Variants in KLHL28 observed in about 807,000 individuals in gnomAD.
KLHL28 encodes the protein kelch like family member 28.
A neutral mutation model predicts 48.3 loss-of-function variants in KLHL28; 22 were observed. The ratio of observed to expected loss-of-function variants is 0.46; its 90% CI spans 0.33 to 0.65. The LOEUF is 0.65. Ranked by LOEUF, KLHL28 falls within the 30% of genes least tolerant of loss-of-function variation. The pLI is 0.03. For missense variants in KLHL28, 527 were observed against 704.3 expected (o/e 0.75, Z 2.85); for synonymous variants, 243 against 242.4 (o/e 1.00, Z -0.02).
At chr14:44,932,298 C>A (rs187413194) in intron 3 of KLHL28, among the ~76,000 whole-genome samples, 9 of 151,292 alleles carry the variant, frequency 5.9e-5, no homozygotes, top group Non-Finnish European at 1.2e-4. Context: ...CAGGAGAATT[C>A]ATGTGGCTTA....
At chr14:44,949,418 AT>A (rs1365523600) in intron 1 of KLHL28, among the ~76,000 whole-genome samples, 3 of 152,106 alleles carry the variant, frequency 2.0e-5, no homozygotes, top group Admixed American at 1.3e-4. Flanking sequence ...TTAGTAAATA[AT>A]TTTATAATGC....
intron 2 of KLHL28, 38 bp from the exon 3 acceptor site, chr14:44,934,596 C>G (rs375128007): frequency 4.9e-6 from 7 of 1,428,362 alleles, no homozygotes; most frequent in East Asian, 4.7e-5. Flanking sequence ...ATTTAAAAAC[C>G]AAAGTGGCCC....
intron 2 of KLHL28, among the ~76,000 whole-genome samples, chr14:44,943,113 C>A (rs564627453): frequency 6.6e-6 from 1 of 152,166 alleles, no homozygotes; most frequent in East Asian, 1.9e-4. Flanking sequence ...AAGATATGAA[C>A]AGGTCTTATT....
At chr14:44,932,522 G>T (rs1883635219) in intron 3 of KLHL28, among the ~76,000 whole-genome samples, 1 of 152,148 alleles carries the variant, frequency 6.6e-6, no homozygotes, top group South Asian at 2.1e-4. Flanking sequence ...GGTTTCCTCT[G>T]AAGGTGCACA....
At chr14:44,947,933 A>C (rs954640577) in intron 1 of KLHL28, among the ~76,000 whole-genome samples, 3 of 152,154 alleles carry the variant, frequency 2.0e-5, no homozygotes, top group African/African-American at 4.8e-5. Flanking sequence ...GTCTTCCAGT[A>C]GGTACTTTTT....
In KLHL28 at chr14:44,945,043, C is replaced by A; in HGVS notation, c.886G>T (p.Ala296Ser). ...CCTTCTATTTACCTATCCAAACAGG[C>A]AAAGAGTCCAGATTTCCCTCCTACT... ...CAVGGKSGLF[A>S]CLDSVEMYFP... The change falls in exon 2 of 5, where the codon GCC (alanine) becomes TCC (serine). Residue 296 changes from alanine (A) to serine (S), a missense_variant. Ala to Ser is a moderately conservative substitution (Grantham distance 99, BLOSUM62 1). Coordinates refer to ENST00000396128, the MANE Select transcript of KLHL28 (RefSeq NM_017658.5). The A allele has an allele frequency of 1.3e-6, 2 of 1,599,850 alleles. No individual in the cohort carries two copies. Among genetic ancestry groups the A allele is most frequent in the East Asian group, 2.2e-5 (1 of 44,468 alleles).
chr14:44,933,309 C>G (rs188192202), intron 3 of KLHL28, among the ~76,000 whole-genome samples: 20 of 148,420 alleles, frequency 1.3e-4, no homozygotes, highest in African/African-American at 4.5e-4. Context: ...TCTTTTCTTT[C>G]TTTCTTTTTT....
intron 1 of KLHL28, among the ~76,000 whole-genome samples, chr14:44,957,998 A>C (rs527436953): frequency 2.0e-5 from 3 of 152,016 alleles, no homozygotes; most frequent in African/African-American, 4.8e-5. Flanking sequence ...CCATGGAACA[A>C]TCATTGCCTT....
rs1883445983 is a variant in KLHL28 at position 44,928,418 on chromosome 14, T to C, written c.*610A>G. On this transcript the variant is annotated 3_prime_UTR_variant, in exon 5 of 5. Transcript: ENST00000396128. The stretch of plus-strand genomic sequence containing the variant: ...CCAAATATCATGATAATAAAAGCAA[T>C]TGTCTTAAAAATTTATTACATCCGT... The C allele has an allele frequency of 6.6e-6, 1 of 152,100 alleles. No individual in the cohort carries two copies. The highest frequency in any genetic ancestry group is 1.5e-5 in the Non-Finnish European group (1 of 68,006). The allele number at this position is 152,100 out of a possible 1,614,324, so 9.4% of individuals were successfully genotyped here.
rs778304110 is a variant in KLHL28, at chr14:44,936,478, AG to A, written c.900-1921del. Among the ~76,000 whole-genome samples, 7 of 152,264 alleles carry A rather than the reference AG, an allele frequency of 4.6e-5. No individual in the cohort carries two copies. In the East Asian group the frequency reaches 1.4e-3, roughly 29 times the overall value. Reference sequence around the variant, plus strand: ...TGGCAGATTTGGTGTTGGGAAGATGAGGTAGTTCTCTTCTGGTTGCTTCCAT... The same window carrying A: ...TGGCAGATTTGGTGTTGGGAAGATGAGTAGTTCTCTTCTGGTTGCTTCCAT... On this transcript the variant is annotated intron_variant, in intron 2 of 4. Coordinates refer to ENST00000396128, the MANE Select transcript of KLHL28 (RefSeq NM_017658.5).
chr14:44,926,443 G>A lies in KLHL28; in HGVS notation c.*2585C>T, dbSNP rs896724484. On this transcript the variant is annotated 3_prime_UTR_variant, in exon 5 of 5. Coordinates refer to ENST00000396128, the MANE Select transcript of KLHL28 (RefSeq NM_017658.5). ...ATGATTATACACTAATTTGATAGTG[G>A]AGATGATACATGAGTAAAATATTGT... 4 of 152,012 alleles carry A rather than the reference G, an allele frequency of 2.6e-5. No homozygotes were observed. The highest frequency in any genetic ancestry group is 9.7e-5 in the African/African-American group (4 of 41,384). The allele number at this position is 152,012 out of a possible 1,614,324, so 9.4% of individuals were successfully genotyped here.
At position 44,935,890 on chromosome 14, in the gene KLHL28, G is replaced by GTGTGTATATATATATATATATATATA. The variant is rs1555337906; in HGVS notation, c.900-1333_900-1332insTATATATATATATATATATATACACA. ...TATGTGTATGTATATATATATGTGT[G>GTGTGTATATATATATATATATATATA]TATATATATATATCTTTACCCTCCC... On this transcript the variant is annotated intron_variant, in intron 2 of 4. Coordinates refer to ENST00000396128, the MANE Select transcript of KLHL28 (RefSeq NM_017658.5). Among the ~76,000 whole-genome samples the GTGTGTATATATATATATATATATATA allele has an allele frequency of 5.1e-5, 3 of 59,146 alleles. No homozygotes were observed. In the South Asian group the frequency reaches 2.1e-3, roughly 42 times the overall value. 38.8% of individuals were successfully genotyped at this position (59,146 alleles called of 152,430 possible). A position where few individuals can be genotyped will look rare whatever the true frequency, so the allele number is the denominator to read the frequency against.
rs887344476 is a variant in KLHL28 at position 44,928,948 on chromosome 14, G to C, written c.*80C>G. 8.5e-6 allele frequency: 11 copies of C among 1,294,244 alleles called. No individual in the cohort carries two copies. The highest frequency in any genetic ancestry group is 1.1e-5 in the Non-Finnish European group (10 of 921,838). The allele number at this position is 1,294,244 out of a possible 1,614,324, so 80.2% of individuals were successfully genotyped here. ...TTAAAAAGAAAGCAATGCAGCTTGT[G>C]GGTTTCAGAAAACTGGGCCATCCGG... On this transcript the variant is annotated 3_prime_UTR_variant, in exon 5 of 5. Transcript: ENST00000396128.
chr14:44,937,057 AC>A (rs112186695), intron 2 of KLHL28, among the ~76,000 whole-genome samples: 15,439 of 152,236 alleles, frequency 0.1, 1,093 homozygotes, highest in African/African-American at 0.2. Context: ...TGAAGTAGGA[AC>A]AGTCTAGGAC....
intron 1 of KLHL28, among the ~76,000 whole-genome samples, chr14:44,956,036 T>G (rs750554895): frequency 6.6e-6 from 1 of 152,246 alleles, no homozygotes; most frequent in Non-Finnish European, 1.5e-5. Context: ...ACTCATTTTT[T>G]GAAACCTAGT....
intron 1 of KLHL28, among the ~76,000 whole-genome samples, chr14:44,950,886 A>C (rs1470564476): frequency 2.0e-5 from 3 of 152,204 alleles, no homozygotes; most frequent in Admixed American, 2.0e-4. Context: ...AAAAGGAAGG[A>C]AGTTTGCTTA....
chr14:44,933,688 G>A (rs1023211256), intron 3 of KLHL28, among the ~76,000 whole-genome samples: 24 of 151,986 alleles, frequency 1.6e-4, no homozygotes, highest in African/African-American at 5.8e-4. Context: ...ATTCAGAAAG[G>A]AATATTTAAA....
In KLHL28 at chr14:44,925,085, A is replaced by G. The variant is rs1325019030; in HGVS notation, c.*3943T>C. 1 of 152,604 alleles carries G rather than the reference A, an allele frequency of 6.6e-6. No homozygotes were observed. The highest frequency in any genetic ancestry group is 2.4e-5 in the African/African-American group (1 of 41,474). 9.5% of individuals were successfully genotyped at this position (152,604 alleles called of 1,614,324 possible). On this transcript the variant is annotated 3_prime_UTR_variant, in exon 5 of 5. Transcript: ENST00000396128. ...AATTAAAGTGCTGTTTACAAAGGGA[A>G]AAAAGGTTAAGAAGTAGAACTGGAT...
At position 44,945,300 on chromosome 14, in the gene KLHL28, ACAT is replaced by A; in HGVS notation, c.626_628del (p.Asp209del). Reference sequence around the variant, plus strand: ...TGCTAAGTATTTCTGGCGTTCTTGTACATCATACTTGATCCAAGACTCTAATGC... The same window carrying A: ...TGCTAAGTATTTCTGGCGTTCTTGTACATACTTGATCCAAGACTCTAATGC... On this transcript the variant is annotated inframe_deletion, in exon 2 of 5. Transcript: ENST00000396128. 1.2e-6 allele frequency: 2 copies of A among 1,614,192 alleles called. No individual in the cohort carries two copies. The highest frequency in any genetic ancestry group is 1.7e-6 in the Non-Finnish European group (2 of 1,180,032).
Sources: gnomAD v4.1 joint callset for allele counts (sites outside exome capture counted in the v4.1 genomes callset) on GRCh38, gnomAD v4.1.1 for gene constraint, MANE v1.5 for transcripts, NCBI Gene and HGNC (gene_info 2026-07-23, HGNC 2026-07-21) for gene names.